The following LMO7 variants were observed in gnomAD, a reference collection of about 807,000 sequenced individuals.
The protein encoded by LMO7 is LIM domain only protein 7.
In LMO7, 120 loss-of-function variants were observed where a neutral mutation model predicts 206.5. The ratio of observed to expected loss-of-function variants is 0.58; its 90% CI spans 0.50 to 0.68. The LOEUF (loss-of-function observed/expected upper bound fraction) is 0.68. Among genes scored for constraint, LMO7 ranks in the 30% least tolerant of loss-of-function variants. The pLI is 0.00. For missense variants in LMO7, 1,959 were observed against 1,957.9 expected, an observed-to-expected ratio of 1.00 and a Z score of -0.01; for synonymous variants, 706 against 681.5, an observed-to-expected ratio of 1.04 and a Z score of -0.56.
chr13:75,733,991 C>G (rs1180363953), intron 3 of LMO7, among the ~76,000 whole-genome samples: 1 of 152,232 alleles, frequency 6.6e-6, no homozygotes, highest in African/African-American at 2.4e-5. Flanking sequence ...GATGCTTGTG[C>G]ATTACCCTCA....
intron 3 of LMO7, among the ~76,000 whole-genome samples, chr13:75,752,584 C>A (rs1476195331): frequency 2.0e-5 from 3 of 152,196 alleles, no homozygotes; most frequent in African/African-American, 4.8e-5. Flanking sequence ...TCATCCACCC[C>A]CTTCCCATCC....
At chr13:75,806,337 T>A in intron 9 of LMO7, 2 of 747,892 alleles carry the variant, frequency 2.7e-6, no homozygotes, top group Non-Finnish European at 3.3e-6. Flanking sequence ...GCTGCTCCAT[T>A]AGCCTGGGAC....
chr13:75,621,861 CA>C lies in LMO7; in HGVS notation c.174del (p.Asp59IlefsTer2). 6 of 1,583,026 alleles carry C rather than the reference CA, an allele frequency of 3.8e-6. No individual in the cohort carries two copies. The highest frequency in any genetic ancestry group is 1.2e-5 in the South Asian group (1 of 84,846). ...TGTATCTCAGGGACAGAGTCTGCAG[CA>C]AAAAAGGTAATAATAGTTCCTTGAA... On this transcript the variant is annotated frameshift_variant, in exon 1 of 30. Transcript: ENST00000341547. LOFTEE classifies it high-confidence loss of function.
intron 1 of LMO7, among the ~76,000 whole-genome samples, chr13:75,708,836 G>T (rs1038247257): frequency 2.6e-5 from 4 of 151,808 alleles, no homozygotes; most frequent in African/African-American, 9.7e-5. Flanking sequence ...TAGGGTACAT[G>T]TGCACAACGT....
intron 1 of LMO7, among the ~76,000 whole-genome samples, chr13:75,711,639 C>A (rs890415035): frequency 6.6e-5 from 10 of 152,188 alleles, no homozygotes; most frequent in Non-Finnish European, 2.9e-5. Flanking sequence ...GCACCCACTC[C>A]CCAGTGAGAG....
intron 3 of LMO7, among the ~76,000 whole-genome samples, chr13:75,735,270 G>C (rs1031138861): frequency 4.0e-5 from 6 of 151,786 alleles, no homozygotes; most frequent in Non-Finnish European, 8.8e-5. Context: ...CCCTCTTCAG[G>C]AGGAGAGGGG....
At chr13:75,677,423 G>A (rs1485559855) in intron 1 of LMO7, among the ~76,000 whole-genome samples, 2 of 152,086 alleles carry the variant, frequency 1.3e-5, no homozygotes, top group African/African-American at 4.8e-5. Context: ...AGATATTTGA[G>A]TACCTACTGG....
intron 3 of LMO7, among the ~76,000 whole-genome samples, chr13:75,737,842 C>CAAAAAA (rs768622923): frequency 1.1e-4 from 4 of 37,720 alleles, no homozygotes; most frequent in African/African-American, 3.6e-4. Context: ...AGGAAGCTGC[C>CAAAAAA]AAAAAAAAAA....
At chr13:75,666,490 G>C (rs1404397763) in intron 1 of LMO7, among the ~76,000 whole-genome samples, 1 of 152,098 alleles carries the variant, frequency 6.6e-6, no homozygotes, top group African/African-American at 2.4e-5. Context: ...AGTGTATTTG[G>C]TGACCTATGG....
intron 11 of LMO7, among the ~76,000 whole-genome samples, chr13:75,812,432 G>A (rs928490736): frequency 6.6e-6 from 1 of 151,102 alleles, no homozygotes; most frequent in Admixed American, 6.6e-5. Flanking sequence ...TCTGAAAGTT[G>A]GGGAGCCTTA....
At chr13:75,628,459 A>T (rs964619140) in intron 2 of LMO7, 8 of 152,240 alleles carry the variant, frequency 5.3e-5, no homozygotes, top group African/African-American at 1.7e-4. Flanking sequence ...AAGTACTGAC[A>T]ACATCACATC....
intron 3 of LMO7, among the ~76,000 whole-genome samples, chr13:75,742,269 T>C (rs1416366664): frequency 6.6e-6 from 1 of 152,194 alleles, no homozygotes; most frequent in Non-Finnish European, 1.5e-5. Context: ...TTCATGTTCA[T>C]GAATTAGAAG....
chr13:75,636,466 T>C lies in LMO7; in HGVS notation c.-192T>C. 7.0e-7 allele frequency: 1 copy of C among 1,434,230 alleles called. No homozygotes were observed. Among genetic ancestry groups the C allele is most frequent in the Non-Finnish European group, 9.1e-7 (1 of 1,101,966 alleles). 88.8% of individuals were successfully genotyped at this position (1,434,230 alleles called of 1,614,324 possible). On this transcript the variant is annotated 5_prime_UTR_variant, in exon 1 of 31. Coordinates refer to ENST00000377534, the MANE Select transcript of LMO7 (RefSeq NM_001306080.2). ...AGAGAAAGCCAGGTCTTCACGTTCG[T>C]GTAGGTTCGAGACCTTAACGAACTG... is the stretch of plus-strand genomic sequence containing the variant.
Position 75,821,207 on chromosome 13 carries a change from G to T in LMO7, c.2238G>T (p.Pro746=). ...CCCAAAATCAAAAGTCTACAGTTCC[G>T]TCAAGAAGGAGAATGTATTCTTTTG... ...RESQNQKSTV[P]SRRRMYSFDD... Residue 746 remains proline, a synonymous_variant, in exon 14 of 31, where the codon CCG becomes CCT. Coordinates refer to ENST00000377534, the MANE Select transcript of LMO7 (RefSeq NM_001306080.2). 6.2e-7 allele frequency: 1 copy of T among 1,610,950 alleles called. No homozygotes were observed. The highest frequency in any genetic ancestry group is 8.5e-7 in the Non-Finnish European group (1 of 1,178,992).
Position 75,858,121 on chromosome 13 carries a change from G to T in LMO7, c.*178G>T, listed in dbSNP as rs1566638087. The T allele has an allele frequency of 1.8e-6, 1 of 561,008 alleles. No individual in the cohort carries two copies. The highest frequency in any genetic ancestry group is 3.0e-6 in the Non-Finnish European group (1 of 336,448). The allele number at this position is 561,008 out of a possible 1,614,324, so 34.8% of individuals were successfully genotyped here. A position where few individuals can be genotyped will look rare whatever the true frequency, so the allele number is the denominator to read the frequency against. On this transcript the variant is annotated 3_prime_UTR_variant, in exon 31 of 31. Transcript: ENST00000377534. ...TAGTCTTGGTAGAACCAGTATTTTT[G>T]TTGTTTATTTATAAGGTAATTGTGT...
intron 14 of LMO7, 40 bp downstream of exon 14, chr13:75,821,649 G>C (rs760688572): frequency 2.1e-5 from 31 of 1,454,224 alleles, no homozygotes; most frequent in Non-Finnish European, 2.9e-5. Flanking sequence ...GTTCTGAAGA[G>C]CAAAATGTTG....
Position 75,855,258 on chromosome 13 carries a change from A to G in LMO7, c.4662-2A>G. 6.2e-7 allele frequency: 1 copy of G among 1,602,318 alleles called. No homozygotes were observed. Among genetic ancestry groups the G allele is most frequent in the East Asian group, 2.2e-5 (1 of 44,742 alleles). Reference sequence around the variant, plus strand: ...TCCATTCCATTCTTGTTCTGCATCTAGGTCAGTCAGTGGGAAGCGCATATG... The same window carrying G: ...TCCATTCCATTCTTGTTCTGCATCTGGGTCAGTCAGTGGGAAGCGCATATG... On this transcript the variant is annotated splice_acceptor_variant, in intron 28 of 30. Coordinates refer to ENST00000377534, the MANE Select transcript of LMO7 (RefSeq NM_001306080.2). LOFTEE classifies it high-confidence loss of function.
intron 3 of LMO7, among the ~76,000 whole-genome samples, chr13:75,749,477 T>A (rs2047109934): frequency 6.6e-6 from 1 of 152,252 alleles, no homozygotes; most frequent in African/African-American, 2.4e-5. Context: ...TGTCACTTAA[T>A]TCATACTGCA....
intron 6 of LMO7, among the ~76,000 whole-genome samples, chr13:75,800,386 G>C (rs1451294902): frequency 2.1e-4 from 32 of 152,098 alleles, no homozygotes; most frequent in Non-Finnish European, 1.5e-5. Flanking sequence ...CATTAAACTA[G>C]TAATTTTCCT....
Sources: allele counts gnomAD v4.1 joint callset (sites outside exome capture counted in the v4.1 genomes callset), GRCh38; gene constraint gnomAD v4.1.1; transcripts MANE v1.5; gene names NCBI Gene and HGNC (gene_info 2026-07-23, HGNC 2026-07-21).